Variants in CSMD1 observed in about 807,000 individuals in gnomAD.
The protein encoded by CSMD1 is CUB and sushi domain-containing protein 1.
CSMD1 carries 213 observed loss-of-function variants against 417.5 expected under a neutral mutation model. The observed-to-expected ratio is 0.51, with a 90% CI of 0.46 to 0.57. The LOEUF (loss-of-function observed/expected upper bound fraction) is 0.57. CSMD1 is among the 20% of genes least tolerant of loss of function. The pLI is 0.00. For synonymous variants in CSMD1, 2,862 were observed against 1,736.8 expected, an observed-to-expected ratio of 1.65 and a Z score of -16.11; for missense variants, 6,923 against 4,529.7, an observed-to-expected ratio of 1.53 and a Z score of -15.17.
intron 3 of CSMD1, among the ~76,000 whole-genome samples, chr8:4,035,486 C>G (rs755001017): frequency 6.6e-6 from 1 of 152,172 alleles, no homozygotes; most frequent in East Asian, 1.9e-4. Flanking sequence ...GAGATGAAAG[C>G]TCCATACCTG....
At chr8:4,871,111 G>A (rs189002850) in intron 1 of CSMD1, among the ~76,000 whole-genome samples, 1 of 152,220 alleles carries the variant, frequency 6.6e-6, no homozygotes, top group East Asian at 1.9e-4. Context: ...GCAGTAGCTG[G>A]GGCTGGGAGA....
At chr8:3,825,177 G>GT (rs1801981971) in intron 5 of CSMD1, among the ~76,000 whole-genome samples, 1 of 152,078 alleles carries the variant, frequency 6.6e-6, no homozygotes, top group Non-Finnish European at 1.5e-5. Flanking sequence ...GTAGGTGAGG[G>GT]TTTAGCGTGC....
intron 5 of CSMD1, among the ~76,000 whole-genome samples, chr8:3,863,418 C>G (rs113017805): frequency 0.021 from 3,093 of 146,584 alleles, 109 homozygotes; most frequent in African/African-American, 0.075. Flanking sequence ...AAAAAAAGTG[C>G]TAATACCATT....
intron 1 of CSMD1, among the ~76,000 whole-genome samples, chr8:4,840,899 A>G (rs924403929): frequency 6.6e-6 from 1 of 152,240 alleles, no homozygotes; most frequent in African/African-American, 2.4e-5. Context: ...GCGTGTCTCA[A>G]TCAACACCAC....
chr8:3,233,636 T>G (rs1052704505), intron 26 of CSMD1, among the ~76,000 whole-genome samples: 1 of 152,206 alleles, frequency 6.6e-6, no homozygotes, highest in Non-Finnish European at 1.5e-5. Flanking sequence ...GTATTTGGTT[T>G]CCTATTCATA....
Position 4,087,610 on chromosome 8 carries a change from A to C in CSMD1, c.416-55511T>G, listed in dbSNP as rs189337598. Among the ~76,000 whole-genome samples the C allele has an allele frequency of 7.2e-5, 11 of 151,984 alleles. No homozygotes were observed. In the South Asian group the frequency reaches 2.3e-3, roughly 32 times the overall value. The stretch of plus-strand genomic sequence containing the variant: ...CTGTCTAACTTTCTGTCTCTCTCTC[A>C]TTCCCAAATCTTTCTTCTTCGATAC... On this transcript the variant is annotated intron_variant, in intron 3 of 69. Transcript: ENST00000635120.
chr8:3,794,170 T>C (rs1450771333), intron 5 of CSMD1, among the ~76,000 whole-genome samples: 2 of 152,160 alleles, frequency 1.3e-5, no homozygotes, highest in South Asian at 2.1e-4. Context: ...AATGACTTTA[T>C]GTTACTCAAA....
chr8:4,424,666 C>G (rs536045211), intron 2 of CSMD1, among the ~76,000 whole-genome samples: 1 of 152,038 alleles, frequency 6.6e-6, no homozygotes, highest in Non-Finnish European at 1.5e-5. Flanking sequence ...TTTGACATTT[C>G]CTTTAAAAAC....
Position 4,755,650 on chromosome 8 carries a change from A to G in CSMD1, c.86-118092T>C, listed in dbSNP as rs151009020. ...CCAGCCCCCAGAATCTGCCAAACACATCTGTCAATGGCATTATTAGTTTTC... is the reference window on the plus strand; with the variant it reads ...CCAGCCCCCAGAATCTGCCAAACACGTCTGTCAATGGCATTATTAGTTTTC... On this transcript the variant is annotated intron_variant, in intron 1 of 69. Transcript: ENST00000635120. Among the ~76,000 whole-genome samples, 609 of 152,302 alleles carry G rather than the reference A, an allele frequency of 4.0e-3. 4 individuals are homozygous for G. The highest frequency in any genetic ancestry group is 0.014 in the African/African-American group (593 of 41,554).
intron 5 of CSMD1, among the ~76,000 whole-genome samples, chr8:3,978,617 G>A (rs1296428390): frequency 3.9e-5 from 6 of 152,106 alleles, no homozygotes; most frequent in African/African-American, 7.2e-5. Context: ...ATAATTGGAA[G>A]GAAACGTCTC....
intron 3 of CSMD1, among the ~76,000 whole-genome samples, chr8:4,309,298 ACTGT>A (rs748164096): frequency 4.6e-5 from 7 of 152,242 alleles, no homozygotes; most frequent in African/African-American, 1.4e-4. Flanking sequence ...ATATAATTGC[ACTGT>A]CTATTTAGCA....
At chr8:4,605,853 G>A (rs1408544317) in intron 2 of CSMD1, among the ~76,000 whole-genome samples, 1 of 152,134 alleles carries the variant, frequency 6.6e-6, no homozygotes, top group Non-Finnish European at 1.5e-5. Flanking sequence ...TAATTGCCGT[G>A]TCAAATTCCA....
intron 5 of CSMD1, among the ~76,000 whole-genome samples, chr8:3,809,331 C>T (rs1054759106): frequency 3.9e-5 from 6 of 152,260 alleles, no homozygotes; most frequent in Middle Eastern, 3.4e-3. Flanking sequence ...CGATTTTTAT[C>T]GATAAATATT....
At chr8:3,700,074 A>T (rs900219) in intron 7 of CSMD1, among the ~76,000 whole-genome samples, 3 of 152,074 alleles carry the variant, frequency 2.0e-5, no homozygotes, top group South Asian at 2.1e-4. Context: ...TGTCCTCATA[A>T]GAATGATACA....
intron 1 of CSMD1, among the ~76,000 whole-genome samples, chr8:4,993,548 C>G (rs1389139583): frequency 6.6e-6 from 1 of 152,178 alleles, no homozygotes; most frequent in East Asian, 1.9e-4. Flanking sequence ...AAACCAAGCT[C>G]ACAGAGCCCC....
chr8:4,891,791 C>A (rs1197660188), intron 1 of CSMD1, among the ~76,000 whole-genome samples: 2 of 152,088 alleles, frequency 1.3e-5, no homozygotes, highest in Non-Finnish European at 2.9e-5. Context: ...TATTTAGCAA[C>A]CCATGTAGTC....
Position 4,366,495 on chromosome 8 carries a change from A to G in CSMD1, c.415+53458T>C, listed in dbSNP as rs146708276. 1.9e-3 allele frequency among the ~76,000 whole-genome samples: 294 copies of G among 152,272 alleles called. 2 individuals carry two copies. The highest frequency in any genetic ancestry group is 6.3e-3 in the African/African-American group (262 of 41,570). The stretch of plus-strand genomic sequence containing the variant: ...TAGTCCTGTTTTAAGTTCTTCGATA[A>G]AACTCCACAGTTTTCCACAGTAGCT... On this transcript the variant is annotated intron_variant, in intron 3 of 69. Coordinates refer to ENST00000635120, the MANE Select transcript of CSMD1 (RefSeq NM_033225.6).
intron 57 of CSMD1, 130 bp downstream of exon 57, chr8:2,972,987 T>C (rs1804592735): frequency 6.8e-6 from 6 of 883,298 alleles, no homozygotes; most frequent in Non-Finnish European, 1.0e-5. Flanking sequence ...CCACAAATAT[T>C]GCGGGGAAAA....
In CSMD1 at chr8:2,942,421, C is replaced by A. The variant is rs938072289; in HGVS notation, c.10535+51G>T. On this transcript the variant is annotated intron_variant, in intron 69 of 69. Transcript: ENST00000635120. ...ACGAGAGCATGCCCATTACTTTAAA[C>A]CCATAGTTTACACTCACAACATTCT... The A allele has an allele frequency of 5.1e-5, 78 of 1,534,208 alleles. No homozygotes were observed. The African/African-American group carries it at 8.6e-4, about 17-fold the overall frequency.
Sources: allele counts gnomAD v4.1 joint callset (sites outside exome capture counted in the v4.1 genomes callset), GRCh38; gene constraint gnomAD v4.1.1; transcripts MANE v1.5; gene names NCBI Gene and HGNC (gene_info 2026-07-23, HGNC 2026-07-21).